The following SDCCAG8 variants were observed in gnomAD, a reference collection of about 807,000 sequenced individuals.
SDCCAG8 encodes serologically defined colon cancer antigen 8.
A neutral mutation model predicts 101.8 loss-of-function variants in SDCCAG8; 74 were observed. The ratio of observed to expected loss-of-function variants is 0.73; its 90% CI spans 0.60 to 0.88. The LOEUF is 0.88. Among genes scored for constraint, SDCCAG8 ranks in the 40% least tolerant of loss-of-function variants. SDCCAG8 has a pLI of 0.00. For synonymous variants in SDCCAG8, 281 were observed against 292.9 expected, an observed-to-expected ratio of 0.96 and a Z score of 0.41; for missense variants, 787 against 822.6, an observed-to-expected ratio of 0.96 and a Z score of 0.53.
intron 16 of SDCCAG8, among the ~76,000 whole-genome samples, chr1:243,453,684 G>C (rs1412919382): frequency 6.6e-6 from 1 of 152,112 alleles, no homozygotes; most frequent in Non-Finnish European, 1.5e-5. Flanking sequence ...GCTCTTCCTG[G>C]CTAAATAGAT....
Position 243,304,768 on chromosome 1 carries a change from A to C in SDCCAG8, c.731A>C (p.Lys244Thr). 1.9e-6 allele frequency: 3 copies of C among 1,583,406 alleles called. No homozygotes were observed. Among genetic ancestry groups the C allele is most frequent in the Non-Finnish European group, 2.6e-6 (3 of 1,152,122 alleles). ...EKCEIEESQL[K>T]FLRNDLAEYQ... is the part of the protein sequence containing the mutation. Reference sequence around the variant, plus strand: ...TGTGAAATTGAGGAATCCCAATTGAAGTTTTTGAGGTAAAGTGAAATCGTC... The same window carrying C: ...TGTGAAATTGAGGAATCCCAATTGACGTTTTTGAGGTAAAGTGAAATCGTC... The change falls in exon 7 of 18, where the codon AAG (lysine) becomes ACG (threonine). Residue 244 changes from lysine to threonine, a missense_variant. By Grantham distance (78) the Lys-to-Thr change is moderately conservative. Transcript: ENST00000366541.
chr1:243,311,707 G>C (rs1341459087), intron 8 of SDCCAG8, among the ~76,000 whole-genome samples: 1 of 151,842 alleles, frequency 6.6e-6, no homozygotes, highest in African/African-American at 2.4e-5. Context: ...TTGAGGCCAG[G>C]TGTTTGAGAC....
chr1:243,498,998 T>C (rs989552177), intron 17 of SDCCAG8, among the ~76,000 whole-genome samples: 1 of 152,236 alleles, frequency 6.6e-6, no homozygotes, highest in African/African-American at 2.4e-5. Flanking sequence ...CAGTGCACAG[T>C]AGAAACTCCA....
intron 15 of SDCCAG8, among the ~76,000 whole-genome samples, chr1:243,418,689 C>A (rs1261459116): frequency 6.6e-6 from 1 of 152,128 alleles, no homozygotes; most frequent in Non-Finnish European, 1.5e-5. Flanking sequence ...TAAATTATTT[C>A]ATATTCTAAA....
intron 6 of SDCCAG8, among the ~76,000 whole-genome samples, chr1:243,294,004 A>G (rs1028847044): frequency 6.6e-6 from 1 of 151,914 alleles, no homozygotes; most frequent in African/African-American, 2.4e-5. Flanking sequence ...TCCTTTTTAT[A>G]ATGTGTTTTC....
chr1:243,480,661 G>T (rs1295594868), intron 16 of SDCCAG8, among the ~76,000 whole-genome samples: 3 of 139,302 alleles, frequency 2.2e-5, no homozygotes, highest in African/African-American at 2.8e-5. Context: ...TGGATGGGTG[G>T]GATGGATGGA....
chr1:243,361,840 A>G (rs2076728833), intron 12 of SDCCAG8, among the ~76,000 whole-genome samples: 1 of 152,126 alleles, frequency 6.6e-6, no homozygotes, highest in Non-Finnish European at 1.5e-5. Flanking sequence ...TAAGTTTTTT[A>G]TTATTTTATT....
intron 13 of SDCCAG8, among the ~76,000 whole-genome samples, chr1:243,403,149 A>C (rs2079521093): frequency 6.6e-6 from 1 of 152,162 alleles, no homozygotes; most frequent in African/African-American, 2.4e-5. Flanking sequence ...CTTCCCACAT[A>C]ATCCTGATAA....
intron 12 of SDCCAG8, among the ~76,000 whole-genome samples, chr1:243,370,237 C>T (rs932961888): frequency 2.0e-5 from 3 of 151,864 alleles, no homozygotes; most frequent in Admixed American, 2.0e-4. Context: ...ATACCTTGAA[C>T]ATTGTTAATA....
At chr1:243,327,727 T>C (rs1255699790) in intron 9 of SDCCAG8, among the ~76,000 whole-genome samples, 1 of 152,174 alleles carries the variant, frequency 6.6e-6, no homozygotes, top group African/African-American at 2.4e-5. Flanking sequence ...AATTGTTTAC[T>C]AGACCCAAAT....
chr1:243,489,266 T>G, intron 17 of SDCCAG8, 126 bp downstream of exon 17: 4 of 1,274,908 alleles, frequency 3.1e-6, no homozygotes, highest in Non-Finnish European at 4.3e-6. Context: ...GGGAGGGAGG[T>G]CCCGAAGACT....
chr1:243,328,579 TA>T (rs2074379101), intron 9 of SDCCAG8, among the ~76,000 whole-genome samples: 1 of 151,744 alleles, frequency 6.6e-6, no homozygotes, highest in Admixed American at 6.5e-5. Flanking sequence ...GCCCAGCCAA[TA>T]ACCAGTTTTT....
At position 243,256,258 on chromosome 1, in the gene SDCCAG8, T is replaced by G. The variant is rs1196615059; in HGVS notation, c.67+18T>G. The G allele has an allele frequency of 3.1e-6, 5 of 1,612,190 alleles. No homozygotes were observed. The South Asian group carries it at 5.5e-5, about 18-fold the overall frequency. ...TCTCCGGGGTGAGTTGCTCCAAACC[T>G]CTGTCCCTAGCCCCGAGGTGCCCAG... On this transcript the variant is annotated intron_variant, in intron 1 of 17. Transcript: ENST00000366541.
intron 12 of SDCCAG8, among the ~76,000 whole-genome samples, chr1:243,357,195 C>T (rs749284213): frequency 1.1e-4 from 16 of 152,012 alleles, no homozygotes; most frequent in African/African-American, 3.1e-4. Context: ...CTGACTAATA[C>T]GGTGAAATCC....
chr1:243,276,546 C>G (rs1233567731), intron 4 of SDCCAG8, among the ~76,000 whole-genome samples: 1 of 152,132 alleles, frequency 6.6e-6, no homozygotes, highest in African/African-American at 2.4e-5. Context: ...CCTGTATCCT[C>G]CTTTCAGTGA....
At chr1:243,373,424 C>CA (rs1340466704) in intron 12 of SDCCAG8, among the ~76,000 whole-genome samples, 2 of 151,976 alleles carry the variant, frequency 1.3e-5, no homozygotes, top group South Asian at 4.1e-4. Flanking sequence ...TGGCTTGCAC[C>CA]AACAATCATG....
At chr1:243,382,902 G>T (rs560935481) in intron 13 of SDCCAG8, among the ~76,000 whole-genome samples, 3 of 152,308 alleles carry the variant, frequency 2.0e-5, no homozygotes, top group African/African-American at 7.2e-5. Flanking sequence ...AGCCCAAATT[G>T]ACTAGAGGAT....
chr1:243,294,865 G>C (rs1004430910), intron 6 of SDCCAG8, among the ~76,000 whole-genome samples: 18 of 152,102 alleles, frequency 1.2e-4, no homozygotes, highest in African/African-American at 4.1e-4. Context: ...ACATGTCAGA[G>C]TTGATCAACA....
intron 8 of SDCCAG8, among the ~76,000 whole-genome samples, chr1:243,311,686 A>C (rs2072740411): frequency 6.6e-6 from 1 of 152,250 alleles, no homozygotes; most frequent in Non-Finnish European, 1.5e-5. Context: ...AGCCTGATGC[A>C]GGAGGATCAC....
Sources: gnomAD v4.1 joint callset for allele counts (sites outside exome capture counted in the v4.1 genomes callset) on GRCh38, gnomAD v4.1.1 for gene constraint, MANE v1.5 for transcripts, NCBI Gene and HGNC (gene_info 2026-07-23, HGNC 2026-07-21) for gene names.